Variants in ASS1 observed in about 807,000 individuals in gnomAD.
ASS1 encodes argininosuccinate synthase 1, also known as argininosuccinate synthase.
A neutral mutation model predicts 60.5 loss-of-function variants in ASS1; 58 were observed. The observed-to-expected ratio is 0.96, with a 90% CI of 0.78 to 1.19. The LOEUF (loss-of-function observed/expected upper bound fraction) is 1.19. ASS1 is among the 50% of genes most tolerant of loss of function. The pLI, the probability that ASS1 is intolerant of heterozygous loss-of-function variation, is 0.00. For missense variants in ASS1, 454 were observed against 547.3 expected (o/e 0.83, Z 1.70); for synonymous variants, 200 against 206.9 (o/e 0.97, Z 0.29).
rs1182077446 is a variant in ASS1, at chr9:130,477,190, A to G, written c.688+229A>G. ...AGGAACATGCCCTCGGCTACCCATCACTCGGGTTCATGGGCACCAGGTCTG... is the reference window on the plus strand; with the variant it reads ...AGGAACATGCCCTCGGCTACCCATCGCTCGGGTTCATGGGCACCAGGTCTG... On this transcript the variant is annotated intron_variant, in intron 9 of 14. Transcript: ENST00000352480. This position sits in a 1 kb window ranked among gnomAD's most constrained non-coding sequence, Gnocchi z 4.2. 6.6e-6 allele frequency among the ~76,000 whole-genome samples: 1 copy of G among 151,842 alleles called. No homozygotes were observed. The highest frequency in any genetic ancestry group is 1.5e-5 in the Non-Finnish European group (1 of 67,986).
At chr9:130,463,146 C>T (rs2131878735) in intron 4 of ASS1, among the ~76,000 whole-genome samples, 1 of 152,334 alleles carries the variant, frequency 6.6e-6, no homozygotes, top group East Asian at 1.9e-4. Flanking sequence ...CATGTAATTC[C>T]CACCGCTGCC....
intron 2 of ASS1, among the ~76,000 whole-genome samples, chr9:130,453,378 G>T (rs561855744): frequency 1.3e-5 from 2 of 152,404 alleles, no homozygotes; most frequent in South Asian, 4.1e-4. Flanking sequence ...CTTGCCAAAA[G>T]TGGCTTGTTT....
intron 6 of ASS1, among the ~76,000 whole-genome samples, chr9:130,468,777 A>C (rs1449978915): frequency 6.6e-6 from 1 of 152,082 alleles, no homozygotes; most frequent in Admixed American, 6.5e-5. Flanking sequence ...GGGTCTTGCT[A>C]TACTGCCCAG....
At chr9:130,464,476 G>A (rs1845678898) in intron 5 of ASS1, among the ~76,000 whole-genome samples, 1 of 152,200 alleles carries the variant, frequency 6.6e-6, no homozygotes, top group Non-Finnish European at 1.5e-5. Flanking sequence ...CATGGCTCTG[G>A]CACCCCAGGT....
intron 6 of ASS1, among the ~76,000 whole-genome samples, chr9:130,469,992 A>G (rs1327411204): frequency 4.6e-5 from 7 of 152,106 alleles, no homozygotes; most frequent in Admixed American, 6.5e-5. Context: ...TGTGCCCTAT[A>G]AGCTTGGGGC....
intron 4 of ASS1, among the ~76,000 whole-genome samples, chr9:130,463,241 G>T (rs1845645865): frequency 1.3e-5 from 2 of 152,260 alleles, no homozygotes; most frequent in South Asian, 2.1e-4. Flanking sequence ...GGGCTGCCGA[G>T]CCCACGGGGA....
At chr9:130,493,765 GCCTGCCTGCC>G (rs1341776043) in intron 12 of ASS1, among the ~76,000 whole-genome samples, 1 of 152,178 alleles carries the variant, frequency 6.6e-6, no homozygotes, top group Non-Finnish European at 1.5e-5. Context: ...CTGCCTGCCT[GCCTGCCTGCC>G]CCTTGGTCCC....
intron 5 of ASS1, chr9:130,466,496 C>A: frequency 1.7e-6 from 1 of 599,812 alleles, no homozygotes; most frequent in Non-Finnish European, 3.0e-6. Context: ...CCCAACACAC[C>A]ACCATTCTGC....
At chr9:130,498,909 G>A (rs755095563) in intron 13 of ASS1, among the ~76,000 whole-genome samples, 1 of 152,190 alleles carries the variant, frequency 6.6e-6, no homozygotes, top group Non-Finnish European at 1.5e-5. Context: ...GCTGAGTACA[G>A]CAGCAGTCAA....
At position 130,494,845 on chromosome 9, in the gene ASS1, T is replaced by C. The variant is rs1025906220; in HGVS notation, c.971-22T>C. The C allele has an allele frequency of 3.1e-6, 5 of 1,613,158 alleles. No homozygotes were observed. Among genetic ancestry groups the C allele is most frequent in the East Asian group, 4.5e-5 (2 of 44,892 alleles). ...GCGGTGCAGGAGGCCTCCCTAGTGG[T>C]ATCCTGTTTTCCTCCCTGTAGGTTT... is the stretch of plus-strand genomic sequence containing the variant. On this transcript the variant is annotated intron_variant, in intron 12 of 14. Coordinates refer to ENST00000352480, the MANE Select transcript of ASS1 (RefSeq NM_054012.4). The surrounding 1 kb of genome is among the most constrained non-coding windows in gnomAD (Gnocchi z 4.3).
chr9:130,458,999 C>T (rs1450445964), intron 4 of ASS1, among the ~76,000 whole-genome samples: 2 of 152,366 alleles, frequency 1.3e-5, no homozygotes, highest in East Asian at 1.9e-4. Flanking sequence ...CGTGTGTCCT[C>T]AGCCAGGGCC....
At chr9:130,479,389 G>A (rs1047315062) in intron 9 of ASS1, among the ~76,000 whole-genome samples, 4 of 152,176 alleles carry the variant, frequency 2.6e-5, no homozygotes, top group South Asian at 2.1e-4. Context: ...TGCTCCCGGC[G>A]TAAGACAATG....
intron 1 of ASS1, 45 bp downstream of exon 1, chr9:130,445,040 A>G: frequency 6.9e-6 from 4 of 576,594 alleles, no homozygotes; most frequent in Non-Finnish European, 8.8e-6. Flanking sequence ...CCTAGCCGAG[A>G]GCACCCGCTT....
chr9:130,460,516 G>A (rs1387048076), intron 4 of ASS1, among the ~76,000 whole-genome samples: 1 of 152,202 alleles, frequency 6.6e-6, no homozygotes, highest in African/African-American at 2.4e-5. Flanking sequence ...TGCGGGAGCA[G>A]CAGGCAGGGG....
Position 130,501,152 on chromosome 9 carries a change from C to T in ASS1, c.*131C>T, listed in dbSNP as rs930162970. The T allele has an allele frequency of 1.9e-6, 2 of 1,042,534 alleles. No homozygotes were observed. Among genetic ancestry groups the T allele is most frequent in the Admixed American group, 3.6e-5 (2 of 55,232 alleles). The allele number at this position is 1,042,534 out of a possible 1,614,324, so 64.6% of individuals were successfully genotyped here. ...GCAGCGTAGTGGGGCTGCCAGGCCC[C>T]AGCTTTGTTCCCTGGTCCCCCTGAA... is the stretch of plus-strand genomic sequence containing the variant. On this transcript the variant is annotated 3_prime_UTR_variant, in exon 15 of 15. Transcript: ENST00000352480.
At chr9:130,483,778 C>CCCTTTCCTCCTCCCTCTCTT in intron 11 of ASS1, among the ~76,000 whole-genome samples, 1 of 151,452 alleles carries the variant, frequency 6.6e-6, no homozygotes, top group African/African-American at 2.4e-5. Context: ...CTCCCTCTCT[C>CCCTTTCCTCCTCCCTCTCTT]CCTTTCCTCC....
At chr9:130,466,617 TG>T in intron 5 of ASS1, 107 bp from the exon 6 acceptor site, 1 of 1,034,656 alleles carries the variant, frequency 9.7e-7, no homozygotes, top group Non-Finnish European at 1.5e-6. Context: ...GGGGACATGC[TG>T]GAGACCCCCA....
chr9:130,474,694 T>C (rs934055051), intron 8 of ASS1, among the ~76,000 whole-genome samples: 1 of 152,242 alleles, frequency 6.6e-6, no homozygotes, highest in African/African-American at 2.4e-5. Flanking sequence ...CCCTGATGCC[T>C]ACCTGTGGCT....
At chr9:130,486,010 A>C (rs111764902) in intron 11 of ASS1, among the ~76,000 whole-genome samples, 27 of 152,214 alleles carry the variant, frequency 1.8e-4, no homozygotes, top group African/African-American at 6.3e-4. Flanking sequence ...TCTTTCAGAC[A>C]GGGTCTTGTT....
Sources: gnomAD v4.1 joint callset for allele counts (sites outside exome capture counted in the v4.1 genomes callset) on GRCh38, gnomAD v4.1.1 for gene constraint, Gnocchi (gnomAD v3.1) non-coding constraint, MANE v1.5 for transcripts, NCBI Gene and HGNC (gene_info 2026-07-23, HGNC 2026-07-21) for gene names.